Variants in PHF21A observed in about 807,000 individuals in gnomAD.
PHF21A encodes the protein BHC80a.
In PHF21A, 11 loss-of-function variants were observed where a neutral mutation model predicts 82.5. The observed-to-expected ratio is 0.13, with a 90% CI of 0.08 to 0.22. The LOEUF is 0.22. Among genes scored for constraint, PHF21A ranks in the 10% least tolerant of loss-of-function variants. The pLI is 1.00. For missense variants in PHF21A, 579 were observed against 837.8 expected, an observed-to-expected ratio of 0.69 and a Z score of 3.81; for synonymous variants, 297 against 302.8, an observed-to-expected ratio of 0.98 and a Z score of 0.20.
chr11:45,974,019 C>G (rs2093903421), intron 7 of PHF21A, among the ~76,000 whole-genome samples: 1 of 152,118 alleles, frequency 6.6e-6, no homozygotes, highest in Non-Finnish European at 1.5e-5. Flanking sequence ...TAACCCAACA[C>G]TTTAAAAACA....
intron 11 of PHF21A, among the ~76,000 whole-genome samples, chr11:45,952,776 C>T (rs1160307871): frequency 6.6e-6 from 1 of 152,154 alleles, no homozygotes; most frequent in African/African-American, 2.4e-5. Context: ...GAAGAAAGCA[C>T]TAAGGATAGG....
At chr11:46,015,149 A>T (rs1161836498) in intron 6 of PHF21A, among the ~76,000 whole-genome samples, 1 of 152,142 alleles carries the variant, frequency 6.6e-6, no homozygotes, top group African/African-American at 2.4e-5. Context: ...GTCTCCCTTC[A>T]AAAGTGTCTG....
intron 1 of PHF21A, among the ~76,000 whole-genome samples, chr11:46,111,065 G>A (rs982559015): frequency 4.5e-4 from 68 of 151,736 alleles, no homozygotes; most frequent in African/African-American, 1.6e-3. Flanking sequence ...GATTACAGGC[G>A]TGAGCCACCG....
chr11:46,005,625 G>T (rs7926314), intron 6 of PHF21A, among the ~76,000 whole-genome samples: 50,300 of 151,918 alleles, frequency 0.33, 9,451 homozygotes, highest in East Asian at 0.8. Flanking sequence ...AACTATCAAC[G>T]ATCCTTTTAC....
intron 6 of PHF21A, among the ~76,000 whole-genome samples, chr11:46,031,001 G>A (rs1269861395): frequency 1.4e-4 from 21 of 152,088 alleles, no homozygotes; most frequent in Admixed American, 1.4e-3. Context: ...AAATAATGCA[G>A]AGCCATAAGG....
At chr11:45,941,617 G>C (rs750146481) in intron 15 of PHF21A, among the ~76,000 whole-genome samples, 1 of 152,140 alleles carries the variant, frequency 6.6e-6, no homozygotes, top group Non-Finnish European at 1.5e-5. Flanking sequence ...AATATAAAAT[G>C]CCAAAACATT....
At chr11:46,068,183 T>A (rs1313434078) in intron 6 of PHF21A, among the ~76,000 whole-genome samples, 1 of 152,164 alleles carries the variant, frequency 6.6e-6, no homozygotes, top group Non-Finnish European at 1.5e-5. Flanking sequence ...ACCAGTCACA[T>A]GGAAGTAACA....
intron 6 of PHF21A, among the ~76,000 whole-genome samples, chr11:46,018,674 T>C (rs1193291880): frequency 2.6e-5 from 4 of 152,218 alleles, no homozygotes; most frequent in Non-Finnish European, 4.4e-5. Flanking sequence ...AAAAGATAAT[T>C]TGGTAAACAT....
rs184605261 is a variant in PHF21A, at chr11:45,966,548, C to T, written c.703-940G>A. On this transcript the variant is annotated intron_variant, in intron 9 of 18. Coordinates refer to ENST00000676320, the MANE Select transcript of PHF21A (RefSeq NM_001352027.3). ...TGCTTGGGTTCAAATCCTAGTTCTACCACTCACTAGCTGTGTAACCTGAGG... is the reference window on the plus strand; with the variant it reads ...TGCTTGGGTTCAAATCCTAGTTCTATCACTCACTAGCTGTGTAACCTGAGG... Among the ~76,000 whole-genome samples the T allele has an allele frequency of 4.1e-3, 622 of 152,322 alleles. 3 individuals carry two copies. The highest frequency in any genetic ancestry group is 5.7e-3 in the Non-Finnish European group (385 of 68,030).
chr11:45,944,910 G>A (rs2091056304), intron 15 of PHF21A, among the ~76,000 whole-genome samples: 1 of 152,314 alleles, frequency 6.6e-6, no homozygotes, highest in East Asian at 1.9e-4. Context: ...GGGATTACAG[G>A]AGCACGCCAT....
chr11:46,077,083 G>A (rs1205336723), intron 5 of PHF21A, among the ~76,000 whole-genome samples: 1 of 152,138 alleles, frequency 6.6e-6, no homozygotes, highest in Admixed American at 6.5e-5. Context: ...ATCTTGTACG[G>A]TAAGAGTACC....
chr11:45,936,863 CT>C (rs1458123940), intron 16 of PHF21A: 5 of 278,272 alleles, frequency 1.8e-5, no homozygotes, highest in Non-Finnish European at 3.4e-5. Flanking sequence ...CACCCAACCA[CT>C]CCCGACAGCT....
Position 45,931,604 on chromosome 11 carries a change from G to A in PHF21A, c.*2364C>T, listed in dbSNP as rs1170537195. On this transcript the variant is annotated 3_prime_UTR_variant, in exon 19 of 19. Transcript: ENST00000676320. ...TTACTCTAAGAAGTGTCTCTTCTCT[G>A]TTGCATTTGCTTTCAGATCTGTCTT... 6.6e-6 allele frequency: 1 copy of A among 152,260 alleles called. No individual in the cohort carries two copies. Among genetic ancestry groups the A allele is most frequent in the Non-Finnish European group, 1.5e-5 (1 of 68,058 alleles). 9.4% of individuals were successfully genotyped at this position (152,260 alleles called of 1,614,324 possible). A position where few individuals can be genotyped will look rare whatever the true frequency, so the allele number is the denominator to read the frequency against.
rs186934414 is a variant in PHF21A at position 46,045,952 on chromosome 11, C to T, written c.153+30802G>A. Among the ~76,000 whole-genome samples, 7 of 152,214 alleles carry T rather than the reference C, an allele frequency of 4.6e-5. No individual in the cohort carries two copies. The East Asian group carries it at 1.4e-3, about 29-fold the overall frequency. ...ACAACTGGCTCTGTTTTCTTGCTTACAGAGATAAAGTACCGTATTAAAACT... is the reference window on the plus strand; with the variant it reads ...ACAACTGGCTCTGTTTTCTTGCTTATAGAGATAAAGTACCGTATTAAAACT... On this transcript the variant is annotated intron_variant, in intron 6 of 18. Coordinates refer to ENST00000676320, the MANE Select transcript of PHF21A (RefSeq NM_001352027.3).
At chr11:46,094,005 A>C (rs2096959782) in intron 1 of PHF21A, among the ~76,000 whole-genome samples, 1 of 152,234 alleles carries the variant, frequency 6.6e-6, no homozygotes, top group Admixed American at 6.5e-5. Flanking sequence ...CCATTAAGAA[A>C]GTGAAAAGGT....
chr11:45,957,751 C>CAAAAAAAAAAAAAAAAAAGAAA (rs2092766197), intron 10 of PHF21A, among the ~76,000 whole-genome samples: 1 of 60,894 alleles, frequency 1.6e-5, no homozygotes, highest in Non-Finnish European at 3.3e-5. Context: ...AAATTCAAAG[C>CAAAAAAAAAAAAAAAAAAGAAA]AAAAAAAAAA....
At chr11:45,949,123 C>G (rs962065212) in intron 13 of PHF21A, among the ~76,000 whole-genome samples, 177 bp from the exon 14 acceptor site, 1 of 152,212 alleles carries the variant, frequency 6.6e-6, no homozygotes, top group African/African-American at 2.4e-5. Context: ...CAGAGACTCT[C>G]TCAGAGAAGC....
intron 6 of PHF21A, among the ~76,000 whole-genome samples, chr11:46,056,354 C>G (rs1245833075): frequency 6.6e-6 from 1 of 152,006 alleles, no homozygotes; most frequent in Non-Finnish European, 1.5e-5. Flanking sequence ...GGGTCAGTTT[C>G]TATGACAAAG....
In PHF21A at chr11:45,965,519, G is replaced by A. The variant is rs374415498; in HGVS notation, c.792C>T (p.Pro264=). 8.1e-6 allele frequency: 13 copies of A among 1,610,884 alleles called. No individual in the cohort carries two copies. The highest frequency in any genetic ancestry group is 4.5e-5 in the East Asian group (2 of 44,840). ...TGGGGGTGAACTTGGTCAGCATGACGGGCCTCTGGATAAGCTGAGGAGCTG... is the reference window on the plus strand; with the variant it reads ...TGGGGGTGAACTTGGTCAGCATGACAGGCCTCTGGATAAGCTGAGGAGCTG... The part of the protein sequence containing the change: ...MLAAPQLIQR[P]VMLTKFTPTT... The change falls in exon 10 of 19, where the codon CCC becomes CCT. Residue 264 remains proline, a synonymous_variant. Transcript: ENST00000676320.
Sources: allele counts gnomAD v4.1 joint callset (sites outside exome capture counted in the v4.1 genomes callset), GRCh38; gene constraint gnomAD v4.1.1; transcripts MANE v1.5; gene names NCBI Gene and HGNC (gene_info 2026-07-23, HGNC 2026-07-21).